Variants in ADTRP observed in about 807,000 individuals in gnomAD.
ADTRP encodes androgen dependent TFPI regulating protein, also known as androgen-dependent TFPI-regulating protein.
In ADTRP, 20 loss-of-function variants were observed where a neutral mutation model predicts 27.0. The observed-to-expected ratio is 0.74, with a 90% CI of 0.52 to 1.08. ADTRP has a LOEUF of 1.08. Ranked by LOEUF, ADTRP falls within the 50% of genes least tolerant of loss-of-function variation. The pLI, the probability that ADTRP is intolerant of heterozygous loss-of-function variation, is 0.00. For synonymous variants in ADTRP, 101 were observed against 105.2 expected, an observed-to-expected ratio of 0.96 and a Z score of 0.25; for missense variants, 251 against 275.0, an observed-to-expected ratio of 0.91 and a Z score of 0.62.
intron 3 of ADTRP, among the ~76,000 whole-genome samples, chr6:11,738,297 T>G (rs1762609840): frequency 1.3e-5 from 2 of 152,106 alleles, no homozygotes; most frequent in Admixed American, 6.5e-5. Context: ...AGTATGGTTG[T>G]CCCTGGGGCT....
chr6:11,772,242 T>TTCTGAG (rs1383165904), intron 1 of ADTRP, among the ~76,000 whole-genome samples: 1 of 152,252 alleles, frequency 6.6e-6, no homozygotes, highest in Non-Finnish European at 1.5e-5. Context: ...GAAATGCTGC[T>TTCTGAG]TCTGAGTTCG....
chr6:11,762,401 C>T (rs563584785), intron 3 of ADTRP, among the ~76,000 whole-genome samples: 25 of 152,340 alleles, frequency 1.6e-4, no homozygotes, highest in Middle Eastern at 3.4e-3. Flanking sequence ...TGCTAGATGT[C>T]AAAACCCTCA....
intron 4 of ADTRP, 21 bp downstream of exon 4, chr6:11,735,547 C>G (rs1236091204): frequency 8.2e-6 from 13 of 1,582,884 alleles, no homozygotes; most frequent in African/African-American, 1.3e-5. Context: ...CCTAAGTTGA[C>G]TTTCTCCATG....
rs1763378813 is a variant in ADTRP at position 11,761,128 on chromosome 6, C to T, written c.390+5146G>A. Among the ~76,000 whole-genome samples the T allele has an allele frequency of 2.0e-5, 3 of 152,306 alleles. No homozygotes were observed. In the South Asian group the frequency reaches 6.2e-4, roughly 32 times the overall value. On this transcript the variant is annotated intron_variant, in intron 3 of 5. Coordinates refer to ENST00000414691, the MANE Select transcript of ADTRP (RefSeq NM_032744.4). ...TTCTGCTGCCTGAGCCTTTCTTCTG[C>T]CAGAATGTCCTGTGGCTGTTTCCTT...
intron 1 of ADTRP, among the ~76,000 whole-genome samples, chr6:11,778,402 T>C (rs529447266): frequency 6.6e-6 from 1 of 152,294 alleles, no homozygotes; most frequent in East Asian, 1.9e-4. Context: ...TGAGCCAGCA[T>C]AGAAATGTTA....
At chr6:11,744,601 G>A (rs210930) in intron 3 of ADTRP, among the ~76,000 whole-genome samples, 45,615 of 151,966 alleles carry the variant, frequency 0.3, 8,407 homozygotes, top group East Asian at 0.66. Flanking sequence ...CCAGGTGGAA[G>A]GGCCCCCAGG....
intron 3 of ADTRP, among the ~76,000 whole-genome samples, chr6:11,743,471 C>T (rs1762778412): frequency 6.6e-6 from 1 of 152,172 alleles, no homozygotes; most frequent in Admixed American, 6.5e-5. Context: ...CCTGTCCCTC[C>T]CTCCCTCAGC....
intron 3 of ADTRP, among the ~76,000 whole-genome samples, chr6:11,742,696 G>A (rs1223279549): frequency 6.6e-6 from 1 of 152,154 alleles, no homozygotes; most frequent in Non-Finnish European, 1.5e-5. Flanking sequence ...ACAGTTCAGA[G>A]GTCTAGTTTC....
chr6:11,764,685 G>C (rs1412899022), intron 3 of ADTRP, among the ~76,000 whole-genome samples: 1 of 151,988 alleles, frequency 6.6e-6, no homozygotes, highest in Non-Finnish European at 1.5e-5. Flanking sequence ...GGCAACGAAG[G>C]GTGCATTAGC....
chr6:11,757,944 T>C (rs889307210), intron 3 of ADTRP, among the ~76,000 whole-genome samples: 1 of 152,128 alleles, frequency 6.6e-6, no homozygotes, highest in African/African-American at 2.4e-5. Context: ...AGGAAACAAA[T>C]ACACTGATCT....
chr6:11,778,213 C>T (rs1764020706), intron 1 of ADTRP, among the ~76,000 whole-genome samples: 1 of 152,220 alleles, frequency 6.6e-6, no homozygotes, highest in Non-Finnish European at 1.5e-5. Context: ...GGAAATTACA[C>T]TTCCTACACA....
chr6:11,744,137 A>C (rs1048733405), intron 3 of ADTRP, among the ~76,000 whole-genome samples: 5 of 151,996 alleles, frequency 3.3e-5, no homozygotes, highest in African/African-American at 1.2e-4. Context: ...CTGGTTCTTA[A>C]AAAGAACCTG....
intron 3 of ADTRP, among the ~76,000 whole-genome samples, chr6:11,759,497 T>A (rs75065192): frequency 6.9e-6 from 1 of 145,964 alleles, no homozygotes; most frequent in African/African-American, 2.5e-5. Flanking sequence ...ACTGCAAAAC[T>A]TTTTTTTTTA....
At chr6:11,770,989 C>A (rs941845987) in intron 1 of ADTRP, among the ~76,000 whole-genome samples, 1 of 152,214 alleles carries the variant, frequency 6.6e-6, no homozygotes, top group Non-Finnish European at 1.5e-5. Flanking sequence ...CGCCTCCGCC[C>A]GGCGTGTGAA....
chr6:11,748,696 C>T (rs981534706), intron 3 of ADTRP, among the ~76,000 whole-genome samples: 2 of 152,362 alleles, frequency 1.3e-5, no homozygotes, highest in Non-Finnish European at 2.9e-5. Flanking sequence ...GAGAAGACCA[C>T]GTCCAAGATG....
At chr6:11,773,934 A>C (rs1002714233) in intron 1 of ADTRP, among the ~76,000 whole-genome samples, 3 of 152,200 alleles carry the variant, frequency 2.0e-5, no homozygotes, top group Non-Finnish European at 2.9e-5. Context: ...TAGTTCTCTC[A>C]GTCCTTACCC....
intron 4 of ADTRP, among the ~76,000 whole-genome samples, chr6:11,731,726 A>T (rs1468351822): frequency 6.6e-6 from 1 of 151,558 alleles, no homozygotes; most frequent in Admixed American, 6.6e-5. Flanking sequence ...GCTCAGCTGG[A>T]TGCAAACTCT....
chr6:11,775,137 T>C (rs186920030), intron 1 of ADTRP, among the ~76,000 whole-genome samples: 31 of 152,092 alleles, frequency 2.0e-4, no homozygotes, highest in East Asian at 1.4e-3. Context: ...ATAGTAGCCA[T>C]GAAGGGGAAG....
intron 1 of ADTRP, among the ~76,000 whole-genome samples, chr6:11,776,022 C>T (rs1763945946): frequency 7.3e-6 from 1 of 136,654 alleles, no homozygotes; most frequent in African/African-American, 2.8e-5. Flanking sequence ...ACTAATTAAT[C>T]ATTAGGAGAC....
Sources: allele counts gnomAD v4.1 joint callset (sites outside exome capture counted in the v4.1 genomes callset), GRCh38; gene constraint gnomAD v4.1.1; transcripts MANE v1.5; gene names NCBI Gene and HGNC (gene_info 2026-07-23, HGNC 2026-07-21).